The following CD22 variants were observed in gnomAD, a reference collection of about 807,000 sequenced individuals.
CD22 encodes the protein B-cell receptor CD22.
A neutral mutation model predicts 94.7 loss-of-function variants in CD22; 51 were observed. The ratio of observed to expected loss-of-function variants is 0.54; its 90% CI spans 0.43 to 0.68. CD22 has a LOEUF of 0.68. Among genes scored for constraint, CD22 ranks in the 30% least tolerant of loss-of-function variants. CD22 has a pLI of 0.00. For missense variants in CD22, 931 were observed against 1,060.4 expected, an observed-to-expected ratio of 0.88 and a Z score of 1.69; for synonymous variants, 424 against 422.5, an observed-to-expected ratio of 1.00 and a Z score of -0.04.
chr19:35,342,376 C>T (rs1337590806), intron 9 of CD22, among the ~76,000 whole-genome samples: 1 of 152,034 alleles, frequency 6.6e-6, no homozygotes, highest in Non-Finnish European at 1.5e-5. Flanking sequence ...ACTATGTTGA[C>T]CAGGCTGGTT....
rs565011703 is a variant in CD22 at position 35,332,708 on chromosome 19, A to C, written c.196A>C (p.Lys66Gln). ...FILFHNPEYN[K>Q]NTSKFDGTRL... Reference sequence around the variant, plus strand: ...CCTGTTCCACAATCCTGAGTATAACAAGAACACCTCGAAGTTTGATGGGAC... The same window carrying C: ...CCTGTTCCACAATCCTGAGTATAACCAGAACACCTCGAAGTTTGATGGGAC... Residue 66 changes from lysine (K) to glutamine (Q), a missense_variant, in exon 3 of 14, where the codon AAG becomes CAG. Lys to Gln is a moderately conservative substitution (Grantham distance 53, BLOSUM62 1). Transcript: ENST00000085219. 4 of 1,614,198 alleles carry C rather than the reference A, an allele frequency of 2.5e-6. No homozygotes were observed. In the South Asian group the frequency reaches 4.4e-5, roughly 18 times the overall value.
Position 35,336,229 on chromosome 19 carries a change from C to T in CD22, c.606C>T (p.Ser202=), listed in dbSNP as rs764611503. 6 of 1,614,222 alleles carry T rather than the reference C, an allele frequency of 3.7e-6. No homozygotes were observed. Among genetic ancestry groups the T allele is most frequent in the Admixed American group, 1.7e-5 (1 of 60,024 alleles). ...SLTIKSVFTR[S]ELKFSPQWSH... Reference sequence around the variant, plus strand: ...CCATCAAGTCTGTCTTCACCCGGAGCGAGCTCAAGTTCTCCCCACAGTGGA... The same window carrying T: ...CCATCAAGTCTGTCTTCACCCGGAGTGAGCTCAAGTTCTCCCCACAGTGGA... Residue 202 remains serine (S), a synonymous_variant, in exon 4 of 14, where the codon AGC becomes AGT. Coordinates refer to ENST00000085219, the MANE Select transcript of CD22 (RefSeq NM_001771.4).
chr19:35,332,205 A>T (rs2066655554), intron 2 of CD22, 131 bp downstream of exon 2: 2 of 927,338 alleles, frequency 2.2e-6, no homozygotes, highest in Admixed American at 4.2e-5. Context: ...AGATAAATGT[A>T]CATACAAATA....
chr19:35,345,450 A>T, intron 11 of CD22, 152 bp from the exon 12 acceptor site: 3 of 516,080 alleles, frequency 5.8e-6, no homozygotes, highest in Non-Finnish European at 1.0e-5. Flanking sequence ...AAAAAAGGGT[A>T]GGCATGAGGC....
rs2066739848 is a variant in CD22 at position 35,337,330 on chromosome 19, G to A, written c.719-425G>A. 6.6e-6 allele frequency among the ~76,000 whole-genome samples: 1 copy of A among 152,186 alleles called. No individual in the cohort carries two copies. Among genetic ancestry groups the A allele is most frequent in the African/African-American group, 2.4e-5 (1 of 41,446 alleles). Reference sequence around the variant, plus strand: ...ACATATTTGGGAGAGGAGGATTTCAGGGAAAGAGAAGGGCAGGTTCAAAGC... The same window carrying A: ...ACATATTTGGGAGAGGAGGATTTCAAGGAAAGAGAAGGGCAGGTTCAAAGC... On this transcript the variant is annotated intron_variant, in intron 4 of 13. Transcript: ENST00000085219. The surrounding 1 kb of genome is among the most constrained non-coding windows in gnomAD (Gnocchi z 4.4).
rs771082496 is a variant in CD22, at chr19:35,338,019, A to G, written c.983A>G (p.Gln328Arg). Reference sequence around the variant, plus strand: ...TCGGAAGAAGTGTTCCTGCAAGTGCAGTGTGAGCCCCTCGGAGCTGGGGAC... The same window carrying G: ...TCGGAAGAAGTGTTCCTGCAAGTGCGGTGTGAGCCCCTCGGAGCTGGGGAC... ...GRSEEVFLQVQYAPEPSTVQI... is the reference protein window; with the variant it reads ...GRSEEVFLQVRYAPEPSTVQI... The change falls in exon 5 of 14, where the codon CAG (glutamine) becomes CGG (arginine). Residue 328 changes from glutamine (Q) to arginine (R), a missense_variant and splice_region_variant. Physicochemically the swap from Gln to Arg is conservative, Grantham distance 43. Transcript: ENST00000085219. The G allele has an allele frequency of 3.1e-6, 5 of 1,606,558 alleles. No homozygotes were observed. The highest frequency in any genetic ancestry group is 1.3e-5 in the African/African-American group (1 of 74,834).
chr19:35,331,537 A>G (rs935591444), intron 1 of CD22, among the ~76,000 whole-genome samples: 2 of 152,192 alleles, frequency 1.3e-5, no homozygotes, highest in African/African-American at 4.8e-5. Flanking sequence ...AGTTTGAAGG[A>G]GAGGTGCAGC....
rs760099567 is a variant in CD22 at position 35,341,804 on chromosome 19, C to A, written c.1874C>A (p.Ser625Tyr). Residue 625 changes from serine (S) to tyrosine (Y), a missense_variant, in exon 9 of 14, where the codon TCC becomes TAC. Physicochemically the swap from Ser to Tyr is moderately radical, Grantham distance 144. Coordinates refer to ENST00000085219, the MANE Select transcript of CD22 (RefSeq NM_001771.4). This position sits in a 1 kb window ranked among gnomAD's most constrained non-coding sequence, Gnocchi z 4.0. ...GAGAGCGACGCCAACCCTCCCGTCT[C>A]CCACTACACCTGGTTTGACTGGAAT... ...TCESDANPPVSHYTWFDWNNQ... is the reference protein window; with the variant it reads ...TCESDANPPVYHYTWFDWNNQ... 3.1e-6 allele frequency: 5 copies of A among 1,613,764 alleles called. No homozygotes were observed. The highest frequency in any genetic ancestry group is 3.3e-4 in the Middle Eastern group (2 of 6,084).
Position 35,337,112 on chromosome 19 carries a change from G to A in CD22, c.719-643G>A, listed in dbSNP as rs989826213. ...AAATTAGCCAGGCATGATGGCAGGC[G>A]CCTGTAGTCCCAGCTACTTGGGAGG... On this transcript the variant is annotated intron_variant, in intron 4 of 13. Coordinates refer to ENST00000085219, the MANE Select transcript of CD22 (RefSeq NM_001771.4). This position sits in a 1 kb window ranked among gnomAD's most constrained non-coding sequence, Gnocchi z 4.4. Among the ~76,000 whole-genome samples, 3 of 152,244 alleles carry A rather than the reference G, an allele frequency of 2.0e-5. No individual in the cohort carries two copies. Among genetic ancestry groups the A allele is most frequent in the East Asian group, 1.9e-4 (1 of 5,170 alleles).
chr19:35,340,325 C>T (rs1405203299), intron 6 of CD22, among the ~76,000 whole-genome samples: 1 of 152,202 alleles, frequency 6.6e-6, no homozygotes, highest in East Asian at 1.9e-4. Context: ...CTCTGTTGCC[C>T]AGGCTGGAGT....
At chr19:35,330,194 G>A (rs2066626306) in intron 1 of CD22, among the ~76,000 whole-genome samples, 4 of 152,026 alleles carry the variant, frequency 2.6e-5, no homozygotes, top group Non-Finnish European at 5.9e-5. Context: ...AAATCAGACG[G>A]GTGTGGTGGC....
intron 6 of CD22, among the ~76,000 whole-genome samples, chr19:35,339,354 G>A (rs1439401116): frequency 1.3e-5 from 2 of 152,014 alleles, no homozygotes; most frequent in Non-Finnish European, 2.9e-5. Flanking sequence ...TTGAGGCCAC[G>A]AGTTCAAGCC....
chr19:35,341,898 C>A lies in CD22; in HGVS notation c.1968C>A (p.Ala656=), dbSNP rs1336474549. ...CGGTGAAGGTCCAGCACTCGGGTGC[C>A]TACTGGTGCCAGGGGACCAACAGTG... The part of the protein sequence containing the change: ...LEPVKVQHSG[A]YWCQGTNSVG... Residue 656 remains alanine (A), a synonymous_variant, in exon 9 of 14, where the codon GCC becomes GCA. Transcript: ENST00000085219. This position sits in a 1 kb window ranked among gnomAD's most constrained non-coding sequence, Gnocchi z 4.0. 6.2e-7 allele frequency: 1 copy of A among 1,614,038 alleles called. No homozygotes were observed. Among genetic ancestry groups the A allele is most frequent in the Non-Finnish European group, 8.5e-7 (1 of 1,180,000 alleles).
chr19:35,333,999 G>A (rs1326939313), intron 3 of CD22, among the ~76,000 whole-genome samples: 1 of 152,174 alleles, frequency 6.6e-6, no homozygotes, highest in Non-Finnish European at 1.5e-5. Flanking sequence ...AGCTCCCGAT[G>A]CGTAGTCAGC....
At chr19:35,332,990 A>C in intron 3 of CD22, 66 bp downstream of exon 3, 1 of 1,513,052 alleles carries the variant, frequency 6.6e-7, no homozygotes, top group Non-Finnish European at 9.0e-7. Flanking sequence ...GAAATACCTG[A>C]CTCCTGGCAC....
intron 2 of CD22, 107 bp downstream of exon 2, chr19:35,332,181 G>A: frequency 1.6e-6 from 2 of 1,240,270 alleles, no homozygotes; most frequent in Non-Finnish European, 1.2e-6. Context: ...TAGGGTGGGG[G>A]CAGCGGTGTG....
intron 1 of CD22, among the ~76,000 whole-genome samples, chr19:35,331,312 T>A (rs2066641767): frequency 6.6e-6 from 1 of 152,178 alleles, no homozygotes; most frequent in South Asian, 2.1e-4. Context: ...GTATAATCCT[T>A]GATGAGTAGC....
chr19:35,332,026 C>A lies in CD22; in HGVS notation c.-15C>A. The A allele has an allele frequency of 1.2e-6, 2 of 1,613,794 alleles. No homozygotes were observed. The highest frequency in any genetic ancestry group is 2.2e-5 in the South Asian group (2 of 91,078). ...AAACTCTCCCCTGCTCAGGCTTGCACCCAGACACGACACCATGCATCTCCT... is the reference window on the plus strand; with the variant it reads ...AAACTCTCCCCTGCTCAGGCTTGCAACCAGACACGACACCATGCATCTCCT... On this transcript the variant is annotated 5_prime_UTR_variant, in exon 2 of 14. Transcript: ENST00000085219.
At chr19:35,332,442 A>G in intron 2 of CD22, 105 bp from the exon 3 acceptor site, 1 of 1,215,634 alleles carries the variant, frequency 8.2e-7, no homozygotes, top group Non-Finnish European at 1.1e-6. Context: ...CAAGACCCCT[A>G]TCTCTAAAAA....
Sources: allele counts gnomAD v4.1 joint callset (sites outside exome capture counted in the v4.1 genomes callset), GRCh38; gene constraint gnomAD v4.1.1; non-coding constraint Gnocchi (gnomAD v3.1); transcripts MANE v1.5; gene names NCBI Gene and HGNC (gene_info 2026-07-23, HGNC 2026-07-21).